Variants in TRA2B observed in about 807,000 individuals in gnomAD.
TRA2B encodes the protein transformer 2 beta homolog, also known as transformer-2 protein homolog beta.
In TRA2B, 14 loss-of-function variants were observed where a neutral mutation model predicts 41.7. The observed-to-expected ratio is 0.34, with a 90% CI of 0.22 to 0.53. The LOEUF (loss-of-function observed/expected upper bound fraction) is 0.53. Ranked by LOEUF, TRA2B falls within the 20% of genes least tolerant of loss-of-function variation. The pLI, the probability that TRA2B is intolerant of heterozygous loss-of-function variation, is 0.95. For missense variants in TRA2B, 167 were observed against 396.8 expected, an observed-to-expected ratio of 0.42 and a Z score of 4.92; for synonymous variants, 130 against 128.8, an observed-to-expected ratio of 1.01 and a Z score of -0.06.
rs371030809 is a variant in TRA2B, at chr3:185,930,334, TATC to T, written c.37-3603_37-3601del. On this transcript the variant is annotated intron_variant, in intron 1 of 8. Transcript: ENST00000453386. ...GTAATTTGGAACATAAAATAACATTTATCATCATTAGTTTATCTATGGCAAGAA... is the reference window on the plus strand; with the variant it reads ...GTAATTTGGAACATAAAATAACATTTATCATTAGTTTATCTATGGCAAGAA... Among the ~76,000 whole-genome samples, 418 of 152,262 alleles carry T rather than the reference TATC, an allele frequency of 2.7e-3. 3 individuals carry two copies. Among genetic ancestry groups the T allele is most frequent in the African/African-American group, 9.3e-3 (386 of 41,556 alleles).
At position 185,922,085 on chromosome 3, in the gene TRA2B, C is replaced by G. The variant is rs1360796973; in HGVS notation, c.564G>C (p.Arg188Ser). The G allele has an allele frequency of 6.2e-7, 1 of 1,613,724 alleles. No homozygotes were observed. Among genetic ancestry groups the G allele is most frequent in the Admixed American group, 1.7e-5 (1 of 59,958 alleles). Residue 188 changes from arginine (R) to serine (S), a missense_variant, in exon 5 of 9, where the codon AGG becomes AGC. Arg to Ser is a moderately radical substitution (Grantham distance 110, BLOSUM62 -1). This residue lies in a region of TRA2B where 20 missense variants were observed against 159.6 expected (regional missense o/e 0.13). Transcript: ENST00000453386. ...RANGMELDGR[R>S]IRVDFSITKR... ...TTGTTATAGAGAAATCAACTCTGATCCTACGCCCATCAAGCTCCATTCCAT... is the reference window on the plus strand; with the variant it reads ...TTGTTATAGAGAAATCAACTCTGATGCTACGCCCATCAAGCTCCATTCCAT...
chr3:185,931,813 T>A, intron 1 of TRA2B: 1 of 1,511,338 alleles, frequency 6.6e-7, no homozygotes, highest in African/African-American at 1.4e-5. Context: ...ATAAAACTTG[T>A]CAAATGACGA....
chr3:185,934,699 AGAG>A, intron 1 of TRA2B: 1 of 985,306 alleles, frequency 1.0e-6, no homozygotes, highest in Non-Finnish European at 1.2e-6. Context: ...ATTAGAATTT[AGAG>A]TTTAGGAGCT....
intron 1 of TRA2B, chr3:185,936,576 C>T (rs1440225063): frequency 1.0e-6 from 1 of 985,204 alleles, no homozygotes; most frequent in South Asian, 4.7e-5. Flanking sequence ...AAATCTTAAT[C>T]AAAAGTTTGC....
Position 185,917,518 on chromosome 3 carries a change from C to G in TRA2B, c.*197G>C, listed in dbSNP as rs185813884. On this transcript the variant is annotated 3_prime_UTR_variant, in exon 9 of 9. Transcript: ENST00000453386. ...AACATACTTTTCTGAAAACACTTAACTTGGAACAAAGCACCAAACTACACA... is the reference window on the plus strand; with the variant it reads ...AACATACTTTTCTGAAAACACTTAAGTTGGAACAAAGCACCAAACTACACA... 13 of 528,004 alleles carry G rather than the reference C, an allele frequency of 2.5e-5. No homozygotes were observed. The East Asian group carries it at 4.2e-4, about 17-fold the overall frequency. 32.7% of individuals were successfully genotyped at this position (528,004 alleles called of 1,614,324 possible). A position where few individuals can be genotyped will look rare whatever the true frequency, so the allele number is the denominator to read the frequency against.
intron 1 of TRA2B, chr3:185,934,916 TTTTC>T (rs888565748): frequency 1.6e-5 from 16 of 985,300 alleles, no homozygotes; most frequent in East Asian, 1.1e-4. Flanking sequence ...GGTCAAAACA[TTTTC>T]TTTAACATCT....
At chr3:185,919,636 T>C (rs1743638528) in intron 6 of TRA2B, 140 bp from the exon 7 acceptor site, 2 of 654,134 alleles carry the variant, frequency 3.1e-6, no homozygotes, top group Non-Finnish European at 2.6e-6. Flanking sequence ...CCACCCTTTT[T>C]AGAAACTGGC....
intron 1 of TRA2B, chr3:185,936,960 T>C: frequency 1.0e-6 from 1 of 985,456 alleles, no homozygotes; most frequent in Non-Finnish European, 1.2e-6. Flanking sequence ...ACACACGCTG[T>C]GGTTCTAAGT....
intron 1 of TRA2B, among the ~76,000 whole-genome samples, chr3:185,930,303 C>CT (rs1417038552): frequency 6.6e-6 from 1 of 152,082 alleles, no homozygotes; most frequent in Non-Finnish European, 1.5e-5. Context: ...CCTGCCTGCT[C>CT]TTTGAGTAAT....
intron 1 of TRA2B, 96 bp from the exon 2 acceptor site, chr3:185,926,830 C>T (rs879204351): frequency 6.9e-7 from 1 of 1,451,610 alleles, no homozygotes; most frequent in Admixed American, 2.1e-5. Flanking sequence ...GACAGCAATC[C>T]CCTTCCAAGA....
Position 185,914,747 on chromosome 3 carries a change from A to G in TRA2B, c.*2968T>C, listed in dbSNP as rs1335247017. On this transcript the variant is annotated 3_prime_UTR_variant, in exon 9 of 9. Coordinates refer to ENST00000453386, the MANE Select transcript of TRA2B (RefSeq NM_004593.3). ...TCCACTGAGATGGCATGCTGAAGGA[A>G]TATTGGAGGCGTGTCCACTGCTAAT... 6.7e-6 allele frequency among the ~76,000 whole-genome samples: 1 copy of G among 149,842 alleles called. No homozygotes were observed.
In TRA2B at chr3:185,914,838, A is replaced by T. The variant is rs901780020; in HGVS notation, c.*2877T>A. On this transcript the variant is annotated 3_prime_UTR_variant, in exon 9 of 9. Transcript: ENST00000453386. ...ACAGAAATTTTGATAATGCAAACCA[A>T]ATCTTTTTATTTCTTCTCGGTGAAA... Among the ~76,000 whole-genome samples, 2 of 151,662 alleles carry T rather than the reference A, an allele frequency of 1.3e-5. No individual in the cohort carries two copies. Among genetic ancestry groups the T allele is most frequent in the Admixed American group, 1.3e-4 (2 of 15,246 alleles).
intron 8 of TRA2B, 134 bp from the exon 9 acceptor site, chr3:185,917,859 G>C: frequency 1.3e-6 from 1 of 785,500 alleles, no homozygotes; most frequent in Non-Finnish European, 2.1e-6. Flanking sequence ...CCCAAATAGA[G>C]AAAGACTTCC....
intron 1 of TRA2B, among the ~76,000 whole-genome samples, chr3:185,932,918 T>A (rs1744205398): frequency 6.6e-6 from 1 of 152,192 alleles, no homozygotes; most frequent in African/African-American, 2.4e-5. Context: ...AAGACAACCA[T>A]CGTTAATCTG....
chr3:185,928,916 C>T (rs940839550), intron 1 of TRA2B: 2 of 152,182 alleles, frequency 1.3e-5, no homozygotes, highest in Non-Finnish European at 1.5e-5. Flanking sequence ...AGCCTGTCCA[C>T]TGAGGGAAGA....
intron 6 of TRA2B, among the ~76,000 whole-genome samples, chr3:185,919,710 C>T (rs187734710): frequency 6.6e-6 from 1 of 151,504 alleles, no homozygotes; most frequent in Non-Finnish European, 1.5e-5. Context: ...TAAGTAAATG[C>T]TCTTAAAAAA....
chr3:185,921,080 T>G, intron 6 of TRA2B, 24 bp downstream of exon 6: 33 of 1,603,974 alleles, frequency 2.1e-5, no homozygotes, highest in African/African-American at 2.7e-5. Flanking sequence ...ATTCAGACGT[T>G]GACCTTTCTA....
At chr3:185,920,679 G>A (rs979567419) in intron 6 of TRA2B, among the ~76,000 whole-genome samples, 2 of 152,112 alleles carry the variant, frequency 1.3e-5, no homozygotes, top group Admixed American at 6.5e-5. Context: ...CAGTAGCTGG[G>A]ACTACAGGCG....
chr3:185,919,190 G>C (rs1202844022), intron 7 of TRA2B, among the ~76,000 whole-genome samples: 1 of 89,128 alleles, frequency 1.1e-5, no homozygotes, highest in Admixed American at 1.0e-4. Flanking sequence ...TGAGTTATCA[G>C]TGACTAACAT....
Sources: gnomAD v4.1 joint callset for allele counts (sites outside exome capture counted in the v4.1 genomes callset) on GRCh38, gnomAD v4.1.1 for gene constraint, gnomAD v4.1.1 regional missense constraint, MANE v1.5 for transcripts, NCBI Gene and HGNC (gene_info 2026-07-23, HGNC 2026-07-21) for gene names.